Variants in AK9 observed in about 807,000 individuals in gnomAD.
The protein encoded by AK9 is adenylate kinase domain containing 1.
In AK9, 191 loss-of-function variants were observed where a neutral mutation model predicts 239.6. The ratio of observed to expected loss-of-function variants is 0.80; its 90% CI spans 0.71 to 0.90. AK9 has a LOEUF of 0.90. Ranked by LOEUF, AK9 falls within the 40% of genes least tolerant of loss-of-function variation. AK9 has a pLI of 0.00. For missense variants in AK9, 1,995 were observed against 2,214.7 expected (o/e 0.90, Z 1.99); for synonymous variants, 689 against 721.0 (o/e 0.96, Z 0.71).
At chr6:109,539,661 T>C (rs1782572377) in intron 27 of AK9, among the ~76,000 whole-genome samples, 1 of 152,216 alleles carries the variant, frequency 6.6e-6, no homozygotes, top group African/African-American at 2.4e-5. Flanking sequence ...TGTGTTCCTT[T>C]GGAGGAGGAG....
chr6:109,647,213 G>T (rs878904104), intron 8 of AK9, among the ~76,000 whole-genome samples: 3 of 152,150 alleles, frequency 2.0e-5, no homozygotes, highest in Non-Finnish European at 4.4e-5. Context: ...ACATCATAAT[G>T]ACAGGATCAA....
At chr6:109,685,932 C>CT (rs1773445066) in intron 1 of AK9, among the ~76,000 whole-genome samples, 1 of 152,168 alleles carries the variant, frequency 6.6e-6, no homozygotes, top group African/African-American at 2.4e-5. Context: ...GGGTAGACTT[C>CT]TGCAAATTTA....
At chr6:109,645,774 T>C (rs981188424) in intron 8 of AK9, among the ~76,000 whole-genome samples, 3 of 152,220 alleles carry the variant, frequency 2.0e-5, no homozygotes, top group African/African-American at 4.8e-5. Flanking sequence ...TCTCTGACCC[T>C]TGAGTAGCCT....
At chr6:109,568,944 G>A (rs1054621180) in intron 21 of AK9, among the ~76,000 whole-genome samples, 2 of 152,106 alleles carry the variant, frequency 1.3e-5, no homozygotes, top group African/African-American at 4.8e-5. Context: ...AAGTTCATAT[G>A]CAATGAAAAA....
In AK9 at chr6:109,506,790, C is replaced by T. The variant is rs994580334; in HGVS notation, c.4492G>A (p.Asp1498Asn). 3.4e-6 allele frequency: 5 copies of T among 1,491,866 alleles called. No homozygotes were observed. The highest frequency in any genetic ancestry group is 4.5e-6 in the Non-Finnish European group (5 of 1,116,486). The allele number at this position is 1,491,866 out of a possible 1,614,324, so 92.4% of individuals were successfully genotyped here. ...TGATGTTTAGTTACAGGATATCCAT[C>T]GATGACAACACTAACAAGGAAAAAC... The part of the protein sequence containing the change: ...SVCNTAGVVI[D>N]GYPVTKHQMN... Residue 1498 changes from aspartate (D) to asparagine (N), a missense_variant, in exon 34 of 41, where the codon GAT (aspartate) becomes AAT (asparagine). Around this residue, in one of 5 missense-constraint regions of AK9, gnomAD observed 45 missense variants for 80.5 expected, o/e 0.56. Transcript: ENST00000424296.
chr6:109,561,347 A>G (rs1480738506), intron 24 of AK9, among the ~76,000 whole-genome samples: 1 of 151,862 alleles, frequency 6.6e-6, no homozygotes, highest in East Asian at 1.9e-4. Context: ...ACAGGGTCTC[A>G]CTCTGTTGCC....
chr6:109,583,607 G>T (rs1789125550), intron 19 of AK9, among the ~76,000 whole-genome samples: 1 of 151,992 alleles, frequency 6.6e-6, no homozygotes, highest in Non-Finnish European at 1.5e-5. Context: ...ACATAGAAAA[G>T]CCTGCTTCAA....
At chr6:109,518,791 AT>A (rs910651318) in intron 29 of AK9, among the ~76,000 whole-genome samples, 3 of 151,696 alleles carry the variant, frequency 2.0e-5, no homozygotes, top group East Asian at 1.9e-4. Flanking sequence ...ATACATCTCA[AT>A]TTTTTTTCAA....
chr6:109,638,249 G>C (rs949911815), intron 10 of AK9, among the ~76,000 whole-genome samples: 2 of 152,028 alleles, frequency 1.3e-5, no homozygotes, highest in Non-Finnish European at 2.9e-5. Flanking sequence ...TGATGACCTA[G>C]AACAGGAGGC....
intron 32 of AK9, 136 bp from the exon 33 acceptor site, chr6:109,509,516 T>G (rs187749818): frequency 1.7e-5 from 13 of 782,580 alleles, no homozygotes; most frequent in Middle Eastern, 3.8e-4. Flanking sequence ...GTAGCAAACA[T>G]AGTGATGGCA....
chr6:109,623,012 A>G (rs927259325), intron 12 of AK9, among the ~76,000 whole-genome samples: 1 of 152,164 alleles, frequency 6.6e-6, no homozygotes, highest in East Asian at 1.9e-4. Flanking sequence ...GATTGATATG[A>G]CAAGTCTCTG....
rs558053277 is a variant in AK9, at chr6:109,551,246, G to A, written c.2752-944C>T. The stretch of plus-strand genomic sequence containing the variant: ...GAATATGCAAACCTTGGCTGCGTGC[G>A]GGGGCTCATGCCTGTAATCCCAGCA... On this transcript the variant is annotated intron_variant, in intron 24 of 40. Coordinates refer to ENST00000424296, the MANE Select transcript of AK9 (RefSeq NM_001145128.3). Among the ~76,000 whole-genome samples, 188 of 152,082 alleles carry A rather than the reference G, an allele frequency of 1.2e-3. 1 individual carries two copies. The highest frequency in any genetic ancestry group is 1.8e-3 in the Non-Finnish European group (122 of 67,996).
intron 6 of AK9, chr6:109,660,968 C>T (rs1363728212): frequency 4.0e-6 from 2 of 505,562 alleles, no homozygotes; most frequent in African/African-American, 3.9e-5. Flanking sequence ...ATGATGAAAG[C>T]CATAGATTTT....
chr6:109,564,406 A>G, intron 22 of AK9, 126 bp from the exon 23 acceptor site: 1 of 642,828 alleles, frequency 1.6e-6, no homozygotes, highest in Non-Finnish European at 2.5e-6. Flanking sequence ...TCTAAGCAAC[A>G]ATATACATTC....
intron 1 of AK9, among the ~76,000 whole-genome samples, chr6:109,687,517 G>A (rs1174572685): frequency 6.6e-6 from 1 of 152,200 alleles, no homozygotes; most frequent in Non-Finnish European, 1.5e-5. Context: ...AAGCTGCCAT[G>A]TTGTGAGAGG....
intron 1 of AK9, among the ~76,000 whole-genome samples, chr6:109,686,754 G>C (rs140715636): frequency 5.1e-4 from 78 of 152,320 alleles, no homozygotes; most frequent in African/African-American, 1.9e-3. Context: ...TTGGGCTCTG[G>C]TAGAGAATGA....
Position 109,652,931 on chromosome 6 carries a change from G to A in AK9, c.759+3825C>T, listed in dbSNP as rs987857096. On this transcript the variant is annotated intron_variant, in intron 8 of 40. Transcript: ENST00000424296. ...ATGGGCCAGATTTGTAAAAGTAGGT[G>A]TTTTTTTTTTGTTTTTGAGACGGAG... Among the ~76,000 whole-genome samples the A allele has an allele frequency of 2.0e-5, 3 of 148,264 alleles. No homozygotes were observed. The Admixed American group carries it at 2.0e-4, about 10-fold the overall frequency.
chr6:109,621,186 TATGAGATATC>T (rs1794767579), intron 12 of AK9, among the ~76,000 whole-genome samples: 2 of 114,170 alleles, frequency 1.8e-5, no homozygotes, highest in Non-Finnish European at 3.5e-5. Context: ...TCAAAACCAT[TATGAGATATC>T]ATCTCACACC....
At chr6:109,566,003 A>G (rs189136988) in intron 21 of AK9, among the ~76,000 whole-genome samples, 2 of 152,270 alleles carry the variant, frequency 1.3e-5, no homozygotes, top group Non-Finnish European at 2.9e-5. Flanking sequence ...ACCATGGAAG[A>G]GAAAAGAACA....
Sources: gnomAD v4.1 joint callset for allele counts (sites outside exome capture counted in the v4.1 genomes callset) on GRCh38, gnomAD v4.1.1 for gene constraint, gnomAD v4.1.1 regional missense constraint, MANE v1.5 for transcripts, NCBI Gene and HGNC (gene_info 2026-07-23, HGNC 2026-07-21) for gene names.